The following CTNNA3 variants were observed in gnomAD, a reference collection of about 807,000 sequenced individuals.
CTNNA3 encodes the protein catenin alpha 3, also known as catenin alpha-3.
Under a neutral mutation model 95.7 loss-of-function variants are expected in CTNNA3, and 76 were observed. That is an observed-to-expected ratio of 0.79 (90% confidence interval 0.66 to 0.96). The LOEUF (loss-of-function observed/expected upper bound fraction) is 0.96. CTNNA3 is among the 40% of genes least tolerant of loss of function. CTNNA3 has a pLI of 0.00. For missense variants in CTNNA3, 1,191 were observed against 1,089.8 expected (o/e 1.09, Z -1.31); for synonymous variants, 431 against 374.4 (o/e 1.15, Z -1.74).
intron 13 of CTNNA3, among the ~76,000 whole-genome samples, chr10:66,180,848 A>G (rs1348316777): frequency 1.3e-5 from 2 of 152,020 alleles, no homozygotes; most frequent in Admixed American, 1.3e-4. Flanking sequence ...GTGAAACACT[A>G]CTCTGCTGTG....
In CTNNA3 at chr10:67,194,508, A is replaced by G. The variant is rs115590006; in HGVS notation, c.844-13988T>C. 5.1e-3 allele frequency among the ~76,000 whole-genome samples: 779 copies of G among 152,144 alleles called. 6 individuals are homozygous for G. The highest frequency in any genetic ancestry group is 0.018 in the African/African-American group (729 of 41,544). On this transcript the variant is annotated intron_variant, in intron 6 of 17. Coordinates refer to ENST00000433211, the MANE Select transcript of CTNNA3 (RefSeq NM_013266.4). The stretch of plus-strand genomic sequence containing the variant: ...TCCAACTACAGTATATGACATTCTG[A>G]AAAGGGAAAAACTATGGAGACAGTA...
chr10:66,746,760 AT>A (rs1186464644), intron 9 of CTNNA3, among the ~76,000 whole-genome samples: 2 of 152,184 alleles, frequency 1.3e-5, no homozygotes, highest in East Asian at 3.9e-4. Flanking sequence ...TAAGTATCAA[AT>A]TTTGCACAAC....
At position 67,443,062 on chromosome 10, in the gene CTNNA3, T is replaced by C. The variant is rs569194135; in HGVS notation, c.579+78780A>G. Among the ~76,000 whole-genome samples the C allele has an allele frequency of 4.4e-3, 659 of 150,196 alleles. 6 individuals carry two copies. Among genetic ancestry groups the C allele is most frequent in the African/African-American group, 0.015 (618 of 40,928 alleles). On this transcript the variant is annotated intron_variant, in intron 5 of 17. Coordinates refer to ENST00000433211, the MANE Select transcript of CTNNA3 (RefSeq NM_013266.4). ...CATGCGGTGTTTGGTTTTTCATCCT[T>C]GCAATAGTTTACTGAGAATGATGAT...
chr10:66,314,908 A>C (rs770729361), intron 12 of CTNNA3, among the ~76,000 whole-genome samples: 1 of 152,098 alleles, frequency 6.6e-6, no homozygotes, highest in African/African-American at 2.4e-5. Flanking sequence ...TGTGTCTGTC[A>C]GTGCAAAAAT....
chr10:67,204,049 A>G (rs1250734353), intron 6 of CTNNA3, among the ~76,000 whole-genome samples: 1 of 152,170 alleles, frequency 6.6e-6, no homozygotes, highest in Non-Finnish European at 1.5e-5. Context: ...GAAAATATGA[A>G]CTTAGGAATT....
At position 67,587,406 on chromosome 10, in the gene CTNNA3, G is replaced by C. The variant is rs1235283760; in HGVS notation, c.292+19451C>G. ...AATTTCTTGTAGGTCTGGTCTGGTG[G>C]TGATGAATTCTCTTAGCATCTGCTT... is the stretch of plus-strand genomic sequence containing the variant. On this transcript the variant is annotated intron_variant, in intron 3 of 17. Transcript: ENST00000433211. Among the ~76,000 whole-genome samples the C allele has an allele frequency of 2.0e-5, 3 of 151,980 alleles. No individual in the cohort carries two copies. The East Asian group carries it at 5.8e-4, about 29-fold the overall frequency.
chr10:66,978,541 A>ATAAAATAAAAATAAAAAAAT (rs1437563245), intron 7 of CTNNA3, among the ~76,000 whole-genome samples: 9 of 111,194 alleles, frequency 8.1e-5, no homozygotes, highest in Non-Finnish European at 1.1e-4. Flanking sequence ...AAAAAAAAAA[A>ATAAAATAAAAATAAAAAAAT]AAAAAAAAAA....
chr10:67,274,962 A>C (rs1839133617), intron 5 of CTNNA3, among the ~76,000 whole-genome samples: 2 of 152,204 alleles, frequency 1.3e-5, no homozygotes, highest in Admixed American at 1.3e-4. Context: ...TAAAGCATTC[A>C]TGAGACATTT....
At chr10:66,819,128 AT>A (rs1013191042) in intron 7 of CTNNA3, among the ~76,000 whole-genome samples, 174 of 150,374 alleles carry the variant, frequency 1.2e-3, no homozygotes, top group African/African-American at 4.1e-3. Flanking sequence ...TTGGAGTAGT[AT>A]TGGCATAATG....
chr10:67,512,664 G>T (rs192267122), intron 5 of CTNNA3, among the ~76,000 whole-genome samples: 184 of 151,656 alleles, frequency 1.2e-3, no homozygotes, highest in African/African-American at 4.2e-3. Flanking sequence ...TGTCTACAGT[G>T]TTGTAATATT....
chr10:67,323,034 T>C (rs531931977), intron 5 of CTNNA3, among the ~76,000 whole-genome samples: 2 of 152,342 alleles, frequency 1.3e-5, no homozygotes, highest in East Asian at 3.9e-4. Context: ...GCAAAATGTC[T>C]GTTCATGTCA....
At chr10:66,089,826 G>C (rs974738779) in intron 14 of CTNNA3, among the ~76,000 whole-genome samples, 3 of 151,684 alleles carry the variant, frequency 2.0e-5, no homozygotes, top group Admixed American at 6.6e-5. Flanking sequence ...TAATCTTAGG[G>C]ATGGTGACCC....
At chr10:67,726,657 TTA>T (rs1841230038) in intron 1 of CTNNA3, among the ~76,000 whole-genome samples, 1 of 82,614 alleles carries the variant, frequency 1.2e-5, no homozygotes, top group African/African-American at 5.2e-5. Flanking sequence ...CTATAATATA[TTA>T]TATATTATAT....
intron 9 of CTNNA3, among the ~76,000 whole-genome samples, chr10:66,691,203 A>C (rs904972174): frequency 6.6e-6 from 1 of 152,116 alleles, no homozygotes; most frequent in Non-Finnish European, 1.5e-5. Context: ...TCCCTTTCCT[A>C]GTCAAAGAAA....
chr10:66,324,242 C>T (rs1429734895), intron 12 of CTNNA3, among the ~76,000 whole-genome samples: 1 of 151,988 alleles, frequency 6.6e-6, no homozygotes, highest in Non-Finnish European at 1.5e-5. Flanking sequence ...ATTGTTTGAA[C>T]CCAGGAGGCG....
intron 7 of CTNNA3, among the ~76,000 whole-genome samples, chr10:67,027,404 T>A (rs1811228458): frequency 6.6e-6 from 1 of 151,832 alleles, no homozygotes; most frequent in Non-Finnish European, 1.5e-5. Context: ...TTTCTGTCAA[T>A]GATAATGACT....
intron 15 of CTNNA3, among the ~76,000 whole-genome samples, chr10:66,013,897 A>C (rs987438041): frequency 6.6e-6 from 1 of 152,156 alleles, no homozygotes; most frequent in African/African-American, 2.4e-5. Context: ...TATGTTGAAA[A>C]CTGTGGATAA....
intron 12 of CTNNA3, among the ~76,000 whole-genome samples, chr10:66,334,665 AT>A (rs2092374015): frequency 6.6e-6 from 1 of 151,504 alleles, no homozygotes; most frequent in Non-Finnish European, 1.5e-5. Context: ...TGCCCTTAAC[AT>A]TTTTTCCTTC....
At chr10:66,669,281 C>G (rs143891282) in intron 9 of CTNNA3, among the ~76,000 whole-genome samples, 1 of 152,006 alleles carries the variant, frequency 6.6e-6, no homozygotes, top group Non-Finnish European at 1.5e-5. Context: ...TGGTGGCTCA[C>G]GTTTGTAATC....
Sources: allele counts gnomAD v4.1 joint callset (sites outside exome capture counted in the v4.1 genomes callset), GRCh38; gene constraint gnomAD v4.1.1; transcripts MANE v1.5; gene names NCBI Gene and HGNC (gene_info 2026-07-23, HGNC 2026-07-21).